MDGA2: variants seen among roughly 807,000 people sequenced by gnomAD.
MDGA2 encodes the protein MAM domain-containing glycosylphosphatidylinositol anchor protein 2.
In MDGA2, 40 loss-of-function variants were observed where a neutral mutation model predicts 117.8. The ratio of observed to expected loss-of-function variants is 0.34; its 90% CI spans 0.26 to 0.44. The LOEUF is 0.44. Ranked by LOEUF, MDGA2 falls within the 20% of genes least tolerant of loss-of-function variation. The probability of loss-of-function intolerance (pLI) is 1.00; values close to 1 mark genes in which losing one functional copy is unlikely to be tolerated. For synonymous variants in MDGA2, 452 were observed against 439.0 expected, an observed-to-expected ratio of 1.03 and a Z score of -0.37; for missense variants, 1,123 against 1,250.6, an observed-to-expected ratio of 0.90 and a Z score of 1.54.
intron 8 of MDGA2, among the ~76,000 whole-genome samples, chr14:47,022,503 G>T (rs1459479067): frequency 6.6e-6 from 1 of 152,140 alleles, no homozygotes; most frequent in Non-Finnish European, 1.5e-5. Context: ...GAAGGAAAGA[G>T]TTTATAATCT....
intron 1 of MDGA2, among the ~76,000 whole-genome samples, chr14:47,390,661 A>G (rs558009787): frequency 4.6e-5 from 7 of 152,262 alleles, no homozygotes; most frequent in Admixed American, 2.0e-4. Flanking sequence ...TATCTTCGCA[A>G]TCTCTTTAGT....
rs1046911756 is a variant in MDGA2 at position 46,843,706 on chromosome 14, A to T, written c.2990-1687T>A. On this transcript the variant is annotated intron_variant, in intron 16 of 16. Coordinates refer to ENST00000399232, the MANE Select transcript of MDGA2 (RefSeq NM_001113498.3). ...TAAGAATTGAGTCAATTCAGTTCAT[A>T]TGAGTAATCAGTGGACAATTGTACA... Among the ~76,000 whole-genome samples, 3 of 152,234 alleles carry T rather than the reference A, an allele frequency of 2.0e-5. No homozygotes were observed. The East Asian group carries it at 5.8e-4, about 29-fold the overall frequency.
chr14:46,905,477 T>C lies in MDGA2; in HGVS notation c.2238+14535A>G, dbSNP rs376059487. Among the ~76,000 whole-genome samples the C allele has an allele frequency of 9.7e-4, 147 of 152,296 alleles. 1 individual carries two copies. In the South Asian group the frequency reaches 0.021, roughly 22 times the overall value. On this transcript the variant is annotated intron_variant, in intron 10 of 16. Transcript: ENST00000399232. Reference sequence around the variant, plus strand: ...AAACTATCTCATACATAATTGTTGATACCAATTTGTGGTATTATGCATATG... The same window carrying C: ...AAACTATCTCATACATAATTGTTGACACCAATTTGTGGTATTATGCATATG...
At chr14:47,045,383 A>G (rs1889219971) in intron 7 of MDGA2, among the ~76,000 whole-genome samples, 1 of 151,784 alleles carries the variant, frequency 6.6e-6, no homozygotes, top group Admixed American at 6.6e-5. Context: ...AATGTCCTAA[A>G]CTCTTTGGAA....
chr14:47,470,595 T>C (rs1360729702), intron 1 of MDGA2, among the ~76,000 whole-genome samples: 7 of 152,184 alleles, frequency 4.6e-5, no homozygotes, highest in Admixed American at 3.3e-4. Flanking sequence ...TGTGTCTTTA[T>C]CGTAGAATGA....
chr14:47,615,312 T>C (rs1896929117), intron 1 of MDGA2, among the ~76,000 whole-genome samples: 1 of 152,192 alleles, frequency 6.6e-6, no homozygotes, highest in Admixed American at 6.5e-5. Context: ...TATAATAACA[T>C]TTTACTAAAA....
intron 1 of MDGA2, among the ~76,000 whole-genome samples, chr14:47,499,194 T>G (rs1439939441): frequency 1.3e-5 from 2 of 152,140 alleles, no homozygotes; most frequent in African/African-American, 4.8e-5. Context: ...GGAACAAAGT[T>G]GCATAAAATG....
chr14:46,917,630 T>C (rs1883952479), intron 10 of MDGA2, among the ~76,000 whole-genome samples: 1 of 151,876 alleles, frequency 6.6e-6, no homozygotes, highest in Non-Finnish European at 1.5e-5. Flanking sequence ...ATATATAATT[T>C]ATTCTAAAGA....
chr14:47,018,279 G>A (rs1379775663), intron 8 of MDGA2, among the ~76,000 whole-genome samples: 1 of 152,040 alleles, frequency 6.6e-6, no homozygotes, highest in Non-Finnish European at 1.5e-5. Flanking sequence ...ATGTTTATGA[G>A]TTGTGCCTTC....
chr14:47,147,363 T>C (rs979691317), intron 3 of MDGA2, among the ~76,000 whole-genome samples: 1 of 152,122 alleles, frequency 6.6e-6, no homozygotes, highest in Non-Finnish European at 1.5e-5. Context: ...TCAACACATA[T>C]GAGAGAGTGA....
At position 46,957,483 on chromosome 14, in the gene MDGA2, C is replaced by T; in HGVS notation, c.1980G>A (p.Gln660=). The stretch of plus-strand genomic sequence containing the variant: ...TCTTCACAGCGTACTCTGTGTATTC[C>T]TGAGAGTCAAATTGACCCGTCCGTA... ...KLLRTGQFDS[Q]EYTEYAVKSL... The change falls in exon 9 of 17, where the codon CAG becomes CAA. Residue 660 remains glutamine, a synonymous_variant. Transcript: ENST00000399232. 1.9e-6 allele frequency: 3 copies of T among 1,614,084 alleles called. No individual in the cohort carries two copies. The highest frequency in any genetic ancestry group is 2.5e-6 in the Non-Finnish European group (3 of 1,180,004).
chr14:46,917,372 C>A (rs1169486271), intron 10 of MDGA2, among the ~76,000 whole-genome samples: 2 of 152,122 alleles, frequency 1.3e-5, no homozygotes, highest in African/African-American at 2.4e-5. Context: ...GAGTGCCCTG[C>A]ACAAGAGTAC....
At chr14:47,638,926 T>C (rs1368172800) in intron 1 of MDGA2, among the ~76,000 whole-genome samples, 2 of 152,208 alleles carry the variant, frequency 1.3e-5, no homozygotes, top group Non-Finnish European at 2.9e-5. Context: ...TCTCTAGTTC[T>C]GTGTAATTTC....
At chr14:47,140,894 A>G (rs561243959) in intron 4 of MDGA2, among the ~76,000 whole-genome samples, 2 of 152,158 alleles carry the variant, frequency 1.3e-5, no homozygotes, top group Non-Finnish European at 2.9e-5. Context: ...AAATATTTGC[A>G]AACTATGCAT....
chr14:47,180,368 G>C (rs1314997388), intron 3 of MDGA2, among the ~76,000 whole-genome samples: 1 of 152,102 alleles, frequency 6.6e-6, no homozygotes, highest in Non-Finnish European at 1.5e-5. Flanking sequence ...TTAAACTAAG[G>C]AGCTTCTGCA....
intron 3 of MDGA2, among the ~76,000 whole-genome samples, chr14:47,175,904 T>C (rs1018493777): frequency 6.6e-6 from 1 of 152,042 alleles, no homozygotes; most frequent in Non-Finnish European, 1.5e-5. Flanking sequence ...GAAAACCCCA[T>C]CGCCTCAGCC....
At chr14:47,390,647 T>C (rs1891873182) in intron 1 of MDGA2, among the ~76,000 whole-genome samples, 1 of 152,210 alleles carries the variant, frequency 6.6e-6, no homozygotes, top group Non-Finnish European at 1.5e-5. Context: ...GGGTGATTTC[T>C]TTCTATCTTC....
chr14:46,974,908 A>T lies in MDGA2; in HGVS notation c.1820-17265T>A, dbSNP rs141163784. Among the ~76,000 whole-genome samples the T allele has an allele frequency of 6.4e-3, 973 of 152,194 alleles. 4 individuals are homozygous for T. Among genetic ancestry groups the T allele is most frequent in the African/African-American group, 0.012 (500 of 41,548 alleles). On this transcript the variant is annotated intron_variant, in intron 8 of 16. Transcript: ENST00000399232. ...TGTGCATTAAAGTAGCAACAGAGTAAAAATGTAACCCACAGAATGAAAGAA... is the reference window on the plus strand; with the variant it reads ...TGTGCATTAAAGTAGCAACAGAGTATAAATGTAACCCACAGAATGAAAGAA...
At chr14:47,255,544 A>C (rs1887590011) in intron 2 of MDGA2, among the ~76,000 whole-genome samples, 1 of 152,202 alleles carries the variant, frequency 6.6e-6, no homozygotes, top group South Asian at 2.1e-4. Context: ...CTTTCTTCAC[A>C]GGAAGTTTTC....
Sources: allele counts gnomAD v4.1 joint callset (sites outside exome capture counted in the v4.1 genomes callset), GRCh38; gene constraint gnomAD v4.1.1; transcripts MANE v1.5; gene names NCBI Gene and HGNC (gene_info 2026-07-23, HGNC 2026-07-21).